The following CDHR3 variants were observed in gnomAD, a reference collection of about 807,000 sequenced individuals.
CDHR3 encodes the protein cadherin-related family member 3.
In CDHR3, 79 loss-of-function variants were observed where a neutral mutation model predicts 86.6. The ratio of observed to expected loss-of-function variants is 0.91; its 90% CI spans 0.76 to 1.10. The LOEUF (loss-of-function observed/expected upper bound fraction) is 1.10. Among genes scored for constraint, CDHR3 ranks in the 50% least tolerant of loss-of-function variants. The probability of loss-of-function intolerance (pLI) is 0.00; values close to 1 mark genes in which losing one functional copy is unlikely to be tolerated. For missense variants in CDHR3, 1,081 were observed against 1,077.6 expected, an observed-to-expected ratio of 1.00 and a Z score of -0.04; for synonymous variants, 421 against 402.4, an observed-to-expected ratio of 1.05 and a Z score of -0.55.
intron 1 of CDHR3, among the ~76,000 whole-genome samples, chr7:105,965,858 A>G (rs936598764): frequency 3.9e-5 from 6 of 152,116 alleles, no homozygotes; most frequent in Non-Finnish European, 7.4e-5. Flanking sequence ...TATCCAATAC[A>G]TATTTGCTGT....
At chr7:105,977,342 A>T (rs985250650) in intron 2 of CDHR3, among the ~76,000 whole-genome samples, 7 of 152,124 alleles carry the variant, frequency 4.6e-5, no homozygotes, top group African/African-American at 1.7e-4. Context: ...CTCTTTCTTC[A>T]AGGGACCTGC....
intron 6 of CDHR3, among the ~76,000 whole-genome samples, chr7:105,998,700 C>T (rs1015345471): frequency 1.3e-5 from 2 of 152,050 alleles, no homozygotes; most frequent in East Asian, 1.9e-4. Context: ...AGGAGAATCG[C>T]TTGAACCCAG....
intron 16 of CDHR3, 86 bp downstream of exon 16, chr7:106,026,781 C>A: frequency 7.3e-7 from 1 of 1,376,728 alleles, no homozygotes. Context: ...GGCAAAGAAT[C>A]AGGCCGCGAT....
chr7:105,987,031 T>C (rs999427605), intron 4 of CDHR3, among the ~76,000 whole-genome samples: 43 of 152,180 alleles, frequency 2.8e-4, no homozygotes, highest in African/African-American at 1.0e-3. Flanking sequence ...AAGACAAACA[T>C]ATATTTGTTT....
intron 17 of CDHR3, among the ~76,000 whole-genome samples, chr7:106,029,033 G>A (rs537786319): frequency 2.0e-5 from 3 of 149,020 alleles, no homozygotes; most frequent in African/African-American, 7.4e-5. Flanking sequence ...AGGCTGGAGT[G>A]GAGTAGCACA....
At chr7:106,016,899 A>G (rs953850789) in intron 11 of CDHR3, among the ~76,000 whole-genome samples, 1 of 152,176 alleles carries the variant, frequency 6.6e-6, no homozygotes, top group African/African-American at 2.4e-5. Flanking sequence ...TTGATCACCT[A>G]CTTTGGGTTA....
chr7:105,969,214 G>A (rs533765885), intron 1 of CDHR3, among the ~76,000 whole-genome samples: 1 of 150,626 alleles, frequency 6.6e-6, no homozygotes, highest in Non-Finnish European at 1.5e-5. Flanking sequence ...GGCTAACACG[G>A]TGAAACCCCG....
Position 106,032,580 on chromosome 7 carries a change from G to T in CDHR3, c.2541G>T (p.Ala847=). 1.2e-6 allele frequency: 2 copies of T among 1,614,010 alleles called. No homozygotes were observed. The highest frequency in any genetic ancestry group is 2.2e-5 in the East Asian group (1 of 44,882). Residue 847 remains alanine (A), a synonymous_variant, in exon 19 of 19, where the codon GCG becomes GCT. Transcript: ENST00000317716. ...AAGAAGATGAGCTGAGTGGCAAAGCGTGGGCTGAGGATGCTGGTCTGGGTT... is the reference window on the plus strand; with the variant it reads ...AAGAAGATGAGCTGAGTGGCAAAGCTTGGGCTGAGGATGCTGGTCTGGGTT... ...NWEEDELSGK[A]WAEDAGLGSR...
chr7:106,006,230 A>C (rs767250003), intron 8 of CDHR3, among the ~76,000 whole-genome samples: 1 of 152,146 alleles, frequency 6.6e-6, no homozygotes, highest in Non-Finnish European at 1.5e-5. Flanking sequence ...CCCTCCCACA[A>C]CATGTAGGAA....
At chr7:105,981,418 G>A (rs1450704756) in intron 3 of CDHR3, among the ~76,000 whole-genome samples, 1 of 152,190 alleles carries the variant, frequency 6.6e-6, no homozygotes, top group Non-Finnish European at 1.5e-5. Flanking sequence ...TCATTGTGGA[G>A]GAACCTGGCT....
Position 106,028,944 on chromosome 7 carries a change from C to CTTTCTTTCTTTT in CDHR3, c.2304+373_2304+374insTTTTCTTTCTTT, listed in dbSNP as rs1267071704. On this transcript the variant is annotated intron_variant, in intron 17 of 18. Coordinates refer to ENST00000317716, the MANE Select transcript of CDHR3 (RefSeq NM_152750.5). Reference sequence around the variant, plus strand: ...TCTTTCTTTCTTTCTTTCTTTCTTTCTTTCTTTCTTTCTTTCTTTCTTTCT... The same window carrying CTTTCTTTCTTTT: ...TCTTTCTTTCTTTCTTTCTTTCTTTCTTTCTTTCTTTTTTTCTTTCTTTCTTTCTTTCTTTCT... 6.1e-3 allele frequency among the ~76,000 whole-genome samples: 864 copies of CTTTCTTTCTTTT among 140,968 alleles called. 10 individuals carry two copies. Among genetic ancestry groups the CTTTCTTTCTTTT allele is most frequent in the Non-Finnish European group, 9.6e-3 (625 of 64,798 alleles). 92.5% of individuals were successfully genotyped at this position (140,968 alleles called of 152,430 possible). A position where few individuals can be genotyped will look rare whatever the true frequency, so the allele number is the denominator to read the frequency against.
Position 106,015,222 on chromosome 7 carries a change from C to T in CDHR3, c.1327+9C>T. On this transcript the variant is annotated intron_variant, in intron 10 of 18. Coordinates refer to ENST00000317716, the MANE Select transcript of CDHR3 (RefSeq NM_152750.5). ...CCCCCCTTACTATAAAAGCAAGTAT[C>T]ATTTTGTTTTATTTCATGATTGTCT... 1 of 1,593,204 alleles carries T rather than the reference C, an allele frequency of 6.3e-7. No homozygotes were observed. The highest frequency in any genetic ancestry group is 1.7e-4 in the Middle Eastern group (1 of 6,044).
At chr7:106,028,009 C>T (rs1230101079) in intron 16 of CDHR3, among the ~76,000 whole-genome samples, 2 of 151,960 alleles carry the variant, frequency 1.3e-5, no homozygotes, top group African/African-American at 4.8e-5. Flanking sequence ...CGCCTGTAGT[C>T]TTAGCTACTG....
In CDHR3 at chr7:106,024,446, T is replaced by G. The variant is rs756134104; in HGVS notation, c.2142T>G (p.Phe714Leu). 9 of 1,613,930 alleles carry G rather than the reference T, an allele frequency of 5.6e-6. No individual in the cohort carries two copies. The highest frequency in any genetic ancestry group is 7.6e-6 in the Non-Finnish European group (9 of 1,179,910). The change falls in exon 15 of 19, where the codon TTT (phenylalanine) becomes TTG (leucine). Residue 714 changes from phenylalanine (F) to leucine (L), a missense_variant. Coordinates refer to ENST00000317716, the MANE Select transcript of CDHR3 (RefSeq NM_152750.5). ...CTCCATCTGCATGGTACGTGCCGTT[T>G]GTCATCACTTTGGGCTCCATATTGC... ...VYSPSAWYVPFVITLGSILLL... is the reference protein window; with the variant it reads ...VYSPSAWYVPLVITLGSILLL...
intron 8 of CDHR3, among the ~76,000 whole-genome samples, chr7:106,011,531 AC>A (rs1348800223): frequency 6.6e-6 from 1 of 152,168 alleles, no homozygotes; most frequent in Non-Finnish European, 1.5e-5. Context: ...GCTGTCAGTG[AC>A]CACAGAGACC....
rs538493034 is a variant in CDHR3, at chr7:106,030,209, G to A, written c.2305-583G>A. ...TGCATTAGGCAGAAGTCAGGTCCTGGAGGGTGGCACCAAGGACAGATCAGG... is the reference window on the plus strand; with the variant it reads ...TGCATTAGGCAGAAGTCAGGTCCTGAAGGGTGGCACCAAGGACAGATCAGG... On this transcript the variant is annotated intron_variant, in intron 17 of 18. Transcript: ENST00000317716. This position sits in a 1 kb window ranked among gnomAD's most constrained non-coding sequence, Gnocchi z 4.8. Among the ~76,000 whole-genome samples, 55 of 152,212 alleles carry A rather than the reference G, an allele frequency of 3.6e-4. No individual in the cohort carries two copies. The highest frequency in any genetic ancestry group is 7.2e-4 in the Non-Finnish European group (49 of 68,040).
At chr7:105,996,095 C>T (rs117334744) in intron 5 of CDHR3, among the ~76,000 whole-genome samples, 155 bp from the exon 6 acceptor site, 97 of 152,250 alleles carry the variant, frequency 6.4e-4, no homozygotes, top group Non-Finnish European at 1.3e-3. Flanking sequence ...AAAGGTCACC[C>T]TGCAGGCCCT....
rs1338576642 is a variant in CDHR3 at position 106,022,289 on chromosome 7, G to T, written c.1917G>T (p.Gly639=). ...CATCTCGCTTTGACTATGCTGGTGG[G>T]TTTGATAAGATCTGGGACTACAAGC... ...LLTSRFDYAG[G]FDKIWDYKLL... The change falls in exon 14 of 19, where the codon GGG becomes GGT. Residue 639 remains glycine, a synonymous_variant. Coordinates refer to ENST00000317716, the MANE Select transcript of CDHR3 (RefSeq NM_152750.5). The T allele has an allele frequency of 1.2e-6, 2 of 1,614,008 alleles. No individual in the cohort carries two copies. The highest frequency in any genetic ancestry group is 1.7e-6 in the Non-Finnish European group (2 of 1,179,882).
rs908660480 is a variant in CDHR3, at chr7:106,034,219, C to T, written c.*1522C>T. ...TATTATGATGGAATAGGAAATGTAA[C>T]TTTCCAATGTGTGCCTAGCAGAGCC... is the stretch of plus-strand genomic sequence containing the variant. On this transcript the variant is annotated 3_prime_UTR_variant, in exon 19 of 19. Transcript: ENST00000317716. 3.3e-5 allele frequency among the ~76,000 whole-genome samples: 5 copies of T among 152,224 alleles called. No homozygotes were observed. Among genetic ancestry groups the T allele is most frequent in the African/African-American group, 1.2e-4 (5 of 41,458 alleles).
Sources: allele counts gnomAD v4.1 joint callset (sites outside exome capture counted in the v4.1 genomes callset), GRCh38; gene constraint gnomAD v4.1.1; non-coding constraint Gnocchi (gnomAD v3.1); transcripts MANE v1.5; gene names NCBI Gene and HGNC (gene_info 2026-07-23, HGNC 2026-07-21).